Variants in DLG2 observed in about 807,000 individuals in gnomAD.
The protein encoded by DLG2 is disks large homolog 2.
Under a neutral mutation model 132.5 loss-of-function variants are expected in DLG2, and 45 were observed. The ratio of observed to expected loss-of-function variants is 0.34; its 90% CI spans 0.27 to 0.44. The LOEUF (loss-of-function observed/expected upper bound fraction) is 0.44. Among genes scored for constraint, DLG2 ranks in the 20% least tolerant of loss-of-function variants. The probability of loss-of-function intolerance (pLI) is 1.00; values close to 1 mark genes in which losing one functional copy is unlikely to be tolerated. For missense variants in DLG2, 1,045 were observed against 1,196.9 expected (o/e 0.87, Z 1.87); for synonymous variants, 424 against 419.6 (o/e 1.01, Z -0.13).
intron 18 of DLG2, among the ~76,000 whole-genome samples, chr11:83,714,308 A>G (rs1185234589): frequency 2.6e-5 from 4 of 152,068 alleles, no homozygotes; most frequent in Admixed American, 6.6e-5. Context: ...AAGATAAAGA[A>G]AAAGAGGAAA....
At chr11:83,522,999 A>C (rs983976133) in intron 21 of DLG2, among the ~76,000 whole-genome samples, 2 of 152,214 alleles carry the variant, frequency 1.3e-5, no homozygotes, top group South Asian at 4.1e-4. Flanking sequence ...TTACTTGCTA[A>C]GAGTCTGGCA....
At chr11:85,494,039 G>C (rs2093619572) in intron 3 of DLG2, among the ~76,000 whole-genome samples, 1 of 152,066 alleles carries the variant, frequency 6.6e-6, no homozygotes, top group Admixed American at 6.6e-5. Context: ...AGGAGAGAAA[G>C]AAGGGTAACA....
intron 6 of DLG2, among the ~76,000 whole-genome samples, chr11:84,684,496 C>T (rs1007759491): frequency 3.3e-5 from 5 of 152,130 alleles, no homozygotes; most frequent in African/African-American, 1.2e-4. Context: ...TGATGGGCTA[C>T]CTATGAAAGC....
chr11:84,586,150 CAAA>C (rs71036429), intron 6 of DLG2, among the ~76,000 whole-genome samples: 2 of 133,400 alleles, frequency 1.5e-5, no homozygotes, highest in Non-Finnish European at 3.2e-5. Flanking sequence ...GATTCTGACT[CAAA>C]AAAAAAAAAA....
intron 6 of DLG2, among the ~76,000 whole-genome samples, chr11:84,965,285 G>A (rs1403366909): frequency 6.6e-6 from 1 of 152,046 alleles, no homozygotes; most frequent in Non-Finnish European, 1.5e-5. Context: ...TTTTGTGTGT[G>A]TGTGTGTGTG....
At chr11:84,558,200 A>C (rs1008711274) in intron 6 of DLG2, among the ~76,000 whole-genome samples, 1 of 152,168 alleles carries the variant, frequency 6.6e-6, no homozygotes, top group South Asian at 2.1e-4. Context: ...TGAACAAATA[A>C]AAAAACTTCA....
At chr11:85,043,489 C>T (rs1158724028) in intron 6 of DLG2, among the ~76,000 whole-genome samples, 1 of 151,618 alleles carries the variant, frequency 6.6e-6, no homozygotes, top group East Asian at 1.9e-4. Flanking sequence ...AACAAGGAAG[C>T]CAGCATCATT....
intron 3 of DLG2, among the ~76,000 whole-genome samples, chr11:85,488,710 T>A (rs764940801): frequency 1.3e-5 from 2 of 152,142 alleles, no homozygotes; most frequent in Non-Finnish European, 2.9e-5. Context: ...ATATTCAAAG[T>A]GCTGAAAGAA....
chr11:84,247,264 C>G (rs569781988), intron 8 of DLG2, among the ~76,000 whole-genome samples: 1 of 152,192 alleles, frequency 6.6e-6, no homozygotes, highest in East Asian at 1.9e-4. Context: ...AGCGCAATGT[C>G]AGTTGGTTGC....
chr11:84,770,754 T>A (rs531967784), intron 6 of DLG2, among the ~76,000 whole-genome samples: 1 of 151,666 alleles, frequency 6.6e-6, no homozygotes, highest in South Asian at 2.1e-4. Flanking sequence ...CACGCCATTC[T>A]CCTGCCTCAG....
chr11:84,727,419 T>C (rs1340246626), intron 6 of DLG2, among the ~76,000 whole-genome samples: 1 of 152,144 alleles, frequency 6.6e-6, no homozygotes, highest in Non-Finnish European at 1.5e-5. Context: ...GGTGGTGTTA[T>C]GTCTGAGGCC....
chr11:84,762,052 G>A (rs1477887585), intron 6 of DLG2: 1 of 151,498 alleles, frequency 6.6e-6, no homozygotes, highest in Non-Finnish European at 1.5e-5. Context: ...AAACATAGCT[G>A]GGTTTGTTAC....
intron 3 of DLG2, among the ~76,000 whole-genome samples, chr11:85,359,665 G>C (rs1268014285): frequency 6.6e-6 from 1 of 152,108 alleles, no homozygotes; most frequent in Non-Finnish European, 1.5e-5. Flanking sequence ...TATAATTAGA[G>C]AGCTGACAGT....
At chr11:84,966,497 G>A (rs2053366182) in intron 6 of DLG2, among the ~76,000 whole-genome samples, 1 of 152,006 alleles carries the variant, frequency 6.6e-6, no homozygotes, top group Non-Finnish European at 1.5e-5. Context: ...ATGAATAGTT[G>A]GAAAGTATTA....
intron 6 of DLG2, among the ~76,000 whole-genome samples, chr11:85,088,459 G>C (rs997476582): frequency 2.0e-5 from 3 of 152,056 alleles, no homozygotes; most frequent in African/African-American, 7.2e-5. Context: ...ATTCAGACTG[G>C]GGAAGAGAAT....
intron 16 of DLG2, among the ~76,000 whole-genome samples, chr11:83,840,581 C>T (rs574471757): frequency 4.6e-5 from 7 of 152,246 alleles, no homozygotes; most frequent in Non-Finnish European, 5.9e-5. Flanking sequence ...TCTGGACAAT[C>T]GCTCCAAGCA....
intron 8 of DLG2, among the ~76,000 whole-genome samples, chr11:84,179,656 T>A (rs1278569675): frequency 6.6e-6 from 1 of 152,150 alleles, no homozygotes; most frequent in Non-Finnish European, 1.5e-5. Flanking sequence ...GGAAAAGGAA[T>A]CATTCTGAAG....
At chr11:84,961,077 A>G (rs2052487731) in intron 6 of DLG2, among the ~76,000 whole-genome samples, 1 of 151,828 alleles carries the variant, frequency 6.6e-6, no homozygotes, top group African/African-American at 2.4e-5. Flanking sequence ...ACTTTGCACA[A>G]CAGTGTGGGG....
chr11:84,314,281 T>TTA (rs1391310561), intron 7 of DLG2, among the ~76,000 whole-genome samples: 1 of 152,188 alleles, frequency 6.6e-6, no homozygotes, highest in Admixed American at 6.5e-5. Flanking sequence ...ATTCTAATGT[T>TTA]TAGTATCATT....
Sources: gnomAD v4.1 joint callset for allele counts (sites outside exome capture counted in the v4.1 genomes callset) on GRCh38, gnomAD v4.1.1 for gene constraint, MANE v1.5 for transcripts, NCBI Gene and HGNC (gene_info 2026-07-23, HGNC 2026-07-21) for gene names.